ZNF609: variants seen among roughly 807,000 people sequenced by gnomAD.
ZNF609 encodes the protein zinc finger protein 609.
ZNF609 carries 11 observed loss-of-function variants against 109.5 expected under a neutral mutation model. That is an observed-to-expected ratio of 0.10 (90% CI 0.06 to 0.17). The LOEUF (loss-of-function observed/expected upper bound fraction) is 0.17, where lower values mean the gene tolerates loss of function less well. ZNF609 is among the 10% of genes least tolerant of loss of function. The pLI is 1.00. For synonymous variants in ZNF609, 646 were observed against 662.0 expected (o/e 0.98, Z 0.37); for missense variants, 1,559 against 1,772.4 (o/e 0.88, Z 2.16).
chr15:64,562,831 A>G (rs562585057), intron 2 of ZNF609, among the ~76,000 whole-genome samples: 2 of 151,636 alleles, frequency 1.3e-5, no homozygotes, highest in Non-Finnish European at 2.9e-5. Flanking sequence ...TTTATTTTCT[A>G]GCAGCAGCTT....
At position 64,476,538 on chromosome 15, in the gene ZNF609, G is replaced by A. The variant is rs542895620; in HGVS notation, c.-128+15700G>A. Among the ~76,000 whole-genome samples the A allele has an allele frequency of 4.6e-5, 7 of 152,238 alleles. No homozygotes were observed. The Middle Eastern group carries it at 0.01, about 222-fold the overall frequency. On this transcript the variant is annotated intron_variant, in intron 1 of 9. Coordinates refer to ENST00000326648, the MANE Select transcript of ZNF609 (RefSeq NM_015042.2). Reference sequence around the variant, plus strand: ...GTTGTTAGGCACTTCCCTGAGATTAGTGGATTCTCTTCTGCCCAGCAGAGA... The same window carrying A: ...GTTGTTAGGCACTTCCCTGAGATTAATGGATTCTCTTCTGCCCAGCAGAGA...
intron 2 of ZNF609, among the ~76,000 whole-genome samples, chr15:64,518,204 A>T (rs1271410861): frequency 1.3e-5 from 2 of 152,258 alleles, no homozygotes; most frequent in African/African-American, 4.8e-5. Flanking sequence ...TGTAGGATCA[A>T]GGAAGATCTC....
intron 2 of ZNF609, chr15:64,529,360 T>C (rs1894020477): frequency 2.7e-6 from 2 of 731,640 alleles, no homozygotes; most frequent in Non-Finnish European, 5.0e-6. Flanking sequence ...TTCTCCATGG[T>C]GGTGAAGACA....
At chr15:64,461,700 GGAT>G (rs1892942965) in intron 1 of ZNF609, among the ~76,000 whole-genome samples, 1 of 152,266 alleles carries the variant, frequency 6.6e-6, no homozygotes, top group South Asian at 2.1e-4. Context: ...AACAAATCAC[GGAT>G]GATTAAATTC....
intron 3 of ZNF609, among the ~76,000 whole-genome samples, chr15:64,627,663 CTTTTTTTTT>C (rs35293725): frequency 1.3e-4 from 11 of 86,014 alleles, no homozygotes; most frequent in African/African-American, 1.7e-4. Context: ...TTTTTTCTTT[CTTTTTTTTT>C]TTTTTTTTTT....
chr15:64,630,091 C>CTTTTTTTTTTTTTTTTTTTTTTTTTTTTT lies in ZNF609; in HGVS notation c.973+7045_973+7046insTTTTTTTTTTTTTTTTTTTTTTTTTTTTT, dbSNP rs200425813. ...CCTACATTACCATCCTCCTAATTTT[C>CTTTTTTTTTTTTTTTTTTTTTTTTTTTTT]TTTTTTCTTTTTTTTTTTTTTTTTG... On this transcript the variant is annotated intron_variant, in intron 3 of 9. Coordinates refer to ENST00000326648, the MANE Select transcript of ZNF609 (RefSeq NM_015042.2). 2.1e-5 allele frequency among the ~76,000 whole-genome samples: 3 copies of CTTTTTTTTTTTTTTTTTTTTTTTTTTTTT among 143,062 alleles called. 1 individual carries two copies. The highest frequency in any genetic ancestry group is 5.4e-5 in the African/African-American group (2 of 37,084). 93.9% of individuals were successfully genotyped at this position (143,062 alleles called of 152,430 possible). A position where few individuals can be genotyped will look rare whatever the true frequency, so the allele number is the denominator to read the frequency against.
At chr15:64,604,927 C>T (rs1253715859) in intron 2 of ZNF609, among the ~76,000 whole-genome samples, 1 of 152,008 alleles carries the variant, frequency 6.6e-6, no homozygotes, top group Non-Finnish European at 1.5e-5. Flanking sequence ...CACCTCCCAC[C>T]TTCACGCCAT....
At chr15:64,671,029 G>A (rs1896719278) in intron 4 of ZNF609, among the ~76,000 whole-genome samples, 1 of 151,616 alleles carries the variant, frequency 6.6e-6, no homozygotes, top group African/African-American at 2.4e-5. Context: ...CTAACACAGT[G>A]AAACCCCATC....
chr15:64,578,030 A>AT (rs1309163814), intron 2 of ZNF609, among the ~76,000 whole-genome samples: 49 of 151,216 alleles, frequency 3.2e-4, no homozygotes, highest in African/African-American at 1.2e-3. Flanking sequence ...ATAGATAATT[A>AT]TTTTTTATCT....
chr15:64,635,858 C>T (rs565037121), intron 3 of ZNF609, among the ~76,000 whole-genome samples: 2 of 86,282 alleles, frequency 2.3e-5, no homozygotes, highest in East Asian at 4.2e-4. Context: ...CTCTTTAACT[C>T]GCTCTCTCTC....
At chr15:64,556,656 C>G (rs1045038808) in intron 2 of ZNF609, among the ~76,000 whole-genome samples, 2 of 152,176 alleles carry the variant, frequency 1.3e-5, no homozygotes, top group African/African-American at 4.8e-5. Flanking sequence ...CTTTACTAGT[C>G]TTTCACATAA....
intron 2 of ZNF609, among the ~76,000 whole-genome samples, chr15:64,578,621 A>G (rs1248663370): frequency 6.6e-6 from 1 of 152,054 alleles, no homozygotes; most frequent in Non-Finnish European, 1.5e-5. Context: ...TGAACCCGGG[A>G]GGTGGAGGTT....
chr15:64,508,335 C>G (rs1341492472), intron 2 of ZNF609, among the ~76,000 whole-genome samples: 2 of 152,160 alleles, frequency 1.3e-5, no homozygotes, highest in Non-Finnish European at 2.9e-5. Flanking sequence ...AAGTTCTTAG[C>G]AAAGTTTATA....
At chr15:64,581,607 G>A (rs1351164465) in intron 2 of ZNF609, among the ~76,000 whole-genome samples, 2 of 152,066 alleles carry the variant, frequency 1.3e-5, no homozygotes, top group African/African-American at 4.8e-5. Flanking sequence ...ATAATTCCCT[G>A]GGAATGAAGC....
At chr15:64,577,734 C>T (rs1014322548) in intron 2 of ZNF609, among the ~76,000 whole-genome samples, 1 of 149,672 alleles carries the variant, frequency 6.7e-6, no homozygotes, top group African/African-American at 2.5e-5. Flanking sequence ...GGACACATGC[C>T]TGTAATCCCC....
intron 2 of ZNF609, among the ~76,000 whole-genome samples, chr15:64,557,713 T>C (rs961155244): frequency 1.4e-4 from 21 of 152,190 alleles, no homozygotes; most frequent in African/African-American, 3.9e-4. Context: ...CTGGTTTTTT[T>C]TGGGACGGAG....
chr15:64,597,263 C>T (rs147699868), intron 2 of ZNF609, among the ~76,000 whole-genome samples: 4 of 152,210 alleles, frequency 2.6e-5, no homozygotes, highest in East Asian at 1.9e-4. Context: ...AGCTGGCAGA[C>T]GGGCACTTTT....
At chr15:64,679,953 C>G (rs1027944780) in intron 6 of ZNF609, among the ~76,000 whole-genome samples, 1 of 152,170 alleles carries the variant, frequency 6.6e-6, no homozygotes, top group Non-Finnish European at 1.5e-5. Context: ...AGTATCAGAT[C>G]TATGGAAGTT....
intron 1 of ZNF609, among the ~76,000 whole-genome samples, chr15:64,473,026 C>T (rs1043152275): frequency 6.6e-5 from 10 of 151,808 alleles, no homozygotes; most frequent in Admixed American, 6.6e-4. Flanking sequence ...AAGCTTATGA[C>T]ATATATATCT....
Sources: gnomAD v4.1 joint callset for allele counts (sites outside exome capture counted in the v4.1 genomes callset) on GRCh38, gnomAD v4.1.1 for gene constraint, MANE v1.5 for transcripts, NCBI Gene and HGNC (gene_info 2026-07-23, HGNC 2026-07-21) for gene names.